Variants in ENAH observed in about 807,000 individuals in gnomAD.
The protein encoded by ENAH is protein enabled homolog.
A neutral mutation model predicts 78.7 loss-of-function variants in ENAH; 23 were observed. The ratio of observed to expected loss-of-function variants is 0.29; its 90% CI spans 0.21 to 0.41. ENAH has a LOEUF of 0.41. ENAH is among the 10% of genes least tolerant of loss of function. The pLI is 1.00. For missense variants in ENAH, 544 were observed against 691.0 expected, an observed-to-expected ratio of 0.79 and a Z score of 2.39; for synonymous variants, 226 against 241.0, an observed-to-expected ratio of 0.94 and a Z score of 0.58.
intron 1 of ENAH, among the ~76,000 whole-genome samples, 199 bp from the exon 2 acceptor site, chr1:225,567,613 A>G (rs556161461): frequency 2.6e-5 from 4 of 152,160 alleles, no homozygotes; most frequent in Non-Finnish European, 5.9e-5. Context: ...AATAAAGTAT[A>G]ATTAAAAGAC....
chr1:225,649,046 G>A (rs1419159422), intron 1 of ENAH, among the ~76,000 whole-genome samples: 1 of 152,048 alleles, frequency 6.6e-6, no homozygotes, highest in East Asian at 1.9e-4. Context: ...CATAGAAATA[G>A]GCCTGGAAAC....
At chr1:225,502,590 A>T (rs965444190) in intron 11 of ENAH, among the ~76,000 whole-genome samples, 1 of 152,232 alleles carries the variant, frequency 6.6e-6, no homozygotes, top group Admixed American at 6.5e-5. Flanking sequence ...TTTATTAGGT[A>T]TCTGCTTATA....
chr1:225,631,937 A>G (rs966699109), intron 1 of ENAH, among the ~76,000 whole-genome samples: 6 of 151,822 alleles, frequency 4.0e-5, no homozygotes, highest in Admixed American at 3.3e-4. Flanking sequence ...TAATGTCTTA[A>G]CAGTTTAAGT....
intron 1 of ENAH, among the ~76,000 whole-genome samples, chr1:225,598,913 A>G (rs1486584999): frequency 6.6e-6 from 1 of 152,200 alleles, no homozygotes; most frequent in Non-Finnish European, 1.5e-5. Flanking sequence ...ATTCAGTTTC[A>G]AAGCATCACT....
intron 1 of ENAH, among the ~76,000 whole-genome samples, chr1:225,597,081 G>A (rs765827108): frequency 1.3e-5 from 2 of 152,068 alleles, no homozygotes; most frequent in Non-Finnish European, 2.9e-5. Context: ...AAGTCTTCAA[G>A]TCAAATACTG....
At chr1:225,498,500 G>A (rs886311790) in intron 12 of ENAH, 96 bp from the exon 13 acceptor site, 11 of 750,952 alleles carry the variant, frequency 1.5e-5, no homozygotes, top group Middle Eastern at 3.2e-4. Context: ...GAAATATGAT[G>A]TGTAGTTTTT....
intron 4 of ENAH, among the ~76,000 whole-genome samples, chr1:225,520,453 T>C (rs1444358458): frequency 2.0e-5 from 3 of 152,188 alleles, no homozygotes; most frequent in African/African-American, 7.2e-5. Flanking sequence ...CACCCCTATA[T>C]ACCTCTAGAC....
chr1:225,504,388 C>T (rs142796149), intron 11 of ENAH, among the ~76,000 whole-genome samples: 1 of 152,026 alleles, frequency 6.6e-6, no homozygotes, highest in Non-Finnish European at 1.5e-5. Context: ...TATTTAAGTC[C>T]CTATTCTGTC....
intron 4 of ENAH, among the ~76,000 whole-genome samples, chr1:225,520,789 G>T (rs937051125): frequency 3.3e-5 from 5 of 152,108 alleles, no homozygotes; most frequent in African/African-American, 1.2e-4. Context: ...CTAGGAGTCT[G>T]AGGCTACAGT....
intron 1 of ENAH, among the ~76,000 whole-genome samples, chr1:225,641,349 T>C (rs1019936523): frequency 7.2e-6 from 1 of 138,978 alleles, no homozygotes; most frequent in Non-Finnish European, 1.6e-5. Flanking sequence ...CCCATTAAAC[T>C]AGAAACTAAG....
intron 5 of ENAH, chr1:225,517,960 G>A (rs1461042227): frequency 7.1e-6 from 11 of 1,545,794 alleles, no homozygotes; most frequent in Non-Finnish European, 8.7e-6. Context: ...AGGAAGTGGA[G>A]CGTTATACAG....
chr1:225,583,433 C>CAAA (rs67324652), intron 1 of ENAH, among the ~76,000 whole-genome samples: 24 of 100,498 alleles, frequency 2.4e-4, no homozygotes, highest in African/African-American at 3.1e-4. Flanking sequence ...GACCCTGTAT[C>CAAA]AAAAAAAAAA....
At chr1:225,544,477 A>T (rs907201842) in intron 3 of ENAH, among the ~76,000 whole-genome samples, 6 of 152,314 alleles carry the variant, frequency 3.9e-5, no homozygotes, top group African/African-American at 1.4e-4. Flanking sequence ...AAGTAGAGAA[A>T]AGGGAATGAA....
At chr1:225,585,586 G>A (rs1186145784) in intron 1 of ENAH, among the ~76,000 whole-genome samples, 1 of 151,974 alleles carries the variant, frequency 6.6e-6, no homozygotes, top group Non-Finnish European at 1.5e-5. Flanking sequence ...TCGGGAGTTC[G>A]AGACCAACCT....
Position 225,615,808 on chromosome 1 carries a change from C to T in ENAH, c.5+36878G>A, listed in dbSNP as rs374764203. 1.2e-4 allele frequency among the ~76,000 whole-genome samples: 18 copies of T among 150,596 alleles called. No individual in the cohort carries two copies. The South Asian group carries it at 2.3e-3, about 19-fold the overall frequency. On this transcript the variant is annotated intron_variant, in intron 1 of 13. Transcript: ENST00000366843. ...GAAGTGAGGAGCCCCTCTGCCCGGC[C>T]GCCACCCCGTCTGGGAGGTGTACCC...
chr1:225,508,248 T>TACTTA (rs2096349796), intron 10 of ENAH: 1 of 282,770 alleles, frequency 3.5e-6, no homozygotes, highest in Non-Finnish European at 6.4e-6. Context: ...AAGGAAAACT[T>TACTTA]ACATTGTTAA....
rs1045482874 is a variant in ENAH at position 225,494,849 on chromosome 1, G to A, written c.*2926C>T. 3.9e-5 allele frequency: 6 copies of A among 152,530 alleles called. No individual in the cohort carries two copies. Among genetic ancestry groups the A allele is most frequent in the Non-Finnish European group, 7.4e-5 (5 of 68,002 alleles). 9.4% of individuals were successfully genotyped at this position (152,530 alleles called of 1,614,324 possible). Reference sequence around the variant, plus strand: ...GCAATTTTATTTCAATCGCACAAACGAAGTTAGCGTGTAGGAAACTTAAAT... The same window carrying A: ...GCAATTTTATTTCAATCGCACAAACAAAGTTAGCGTGTAGGAAACTTAAAT... On this transcript the variant is annotated 3_prime_UTR_variant, in exon 14 of 14. Transcript: ENST00000366843.
chr1:225,534,942 G>A (rs1354075939), intron 3 of ENAH, among the ~76,000 whole-genome samples: 1 of 152,110 alleles, frequency 6.6e-6, no homozygotes, highest in African/African-American at 2.4e-5. Flanking sequence ...GAGAGTGAGA[G>A]TGAAAGAAAA....
At chr1:225,623,403 A>G (rs1319020627) in intron 1 of ENAH, among the ~76,000 whole-genome samples, 1 of 152,148 alleles carries the variant, frequency 6.6e-6, no homozygotes, top group Non-Finnish European at 1.5e-5. Context: ...TTTATCAGCA[A>G]AGACTCATAA....
Sources: gnomAD v4.1 joint callset for allele counts (sites outside exome capture counted in the v4.1 genomes callset) on GRCh38, gnomAD v4.1.1 for gene constraint, MANE v1.5 for transcripts, NCBI Gene and HGNC (gene_info 2026-07-23, HGNC 2026-07-21) for gene names.